The following PRLR variants were observed in gnomAD, a reference collection of about 807,000 sequenced individuals.
PRLR encodes hPRL receptor.
In PRLR, 13 loss-of-function variants were observed where a neutral mutation model predicts 40.2. That is an observed-to-expected ratio of 0.32 (90% CI 0.21 to 0.51). The LOEUF (loss-of-function observed/expected upper bound fraction) is 0.51. Among genes scored for constraint, PRLR ranks in the 20% least tolerant of loss-of-function variants. PRLR has a pLI of 0.97. For missense variants in PRLR, 656 were observed against 747.3 expected (o/e 0.88, Z 1.42); for synonymous variants, 269 against 278.7 (o/e 0.97, Z 0.35).
At chr5:35,087,615 C>A (rs1770940883) in intron 3 of PRLR, among the ~76,000 whole-genome samples, 2 of 151,958 alleles carry the variant, frequency 1.3e-5, no homozygotes, top group Non-Finnish European at 2.9e-5. Flanking sequence ...TCTCCTGGTT[C>A]TGAGCAACCA....
At chr5:35,104,482 C>CGTG (rs144499469) in intron 2 of PRLR, among the ~76,000 whole-genome samples, 1,795 of 152,132 alleles carry the variant, frequency 0.012, 41 homozygotes, top group African/African-American at 0.041. Context: ...CAAGGGAAGC[C>CGTG]GTGACAGACA....
At chr5:35,172,322 T>C (rs1388810015) in intron 1 of PRLR, among the ~76,000 whole-genome samples, 2 of 152,136 alleles carry the variant, frequency 1.3e-5, no homozygotes, top group African/African-American at 4.8e-5. Context: ...AGGGGCTCTC[T>C]TGCCTTCTGA....
intron 1 of PRLR, among the ~76,000 whole-genome samples, chr5:35,124,172 A>C (rs1773382069): frequency 6.6e-6 from 1 of 152,244 alleles, no homozygotes; most frequent in African/African-American, 2.4e-5. Context: ...AAATTACATT[A>C]AGGCAAATTT....
In PRLR at chr5:35,068,152, G is replaced by A. The variant is rs10064946; in HGVS notation, c.855+64C>T. ...CTGAACTGACGGGGACTGTGTGTGA[G>A]TGTGTAGAGTTAATTACTACAGAGC... On this transcript the variant is annotated intron_variant, in intron 9 of 9. Coordinates refer to ENST00000618457, the MANE Select transcript of PRLR (RefSeq NM_000949.7). 722 of 1,396,608 alleles carry A rather than the reference G, an allele frequency of 5.2e-4. 3 individuals are homozygous for A. The African/African-American group carries it at 9.4e-3, about 18-fold the overall frequency. 86.5% of individuals were successfully genotyped at this position (1,396,608 alleles called of 1,614,324 possible). A position where few individuals can be genotyped will look rare whatever the true frequency, so the allele number is the denominator to read the frequency against.
At chr5:35,052,081 A>G (rs1768514542), downstream of PRLR, among the ~76,000 whole-genome samples, 1 of 152,226 alleles carries the variant, frequency 6.6e-6, no homozygotes, top group Non-Finnish European at 1.5e-5. Flanking sequence ...ATTATAATAA[A>G]TAGAAACTTA....
chr5:35,090,405 G>T (rs552426300), intron 2 of PRLR, among the ~76,000 whole-genome samples: 1 of 152,162 alleles, frequency 6.6e-6, no homozygotes, highest in East Asian at 1.9e-4. Flanking sequence ...TTGGAACAAC[G>T]TTCAAAGCCT....
chr5:35,178,895 G>A (rs1182575700), intron 1 of PRLR, among the ~76,000 whole-genome samples: 1 of 152,158 alleles, frequency 6.6e-6, no homozygotes, highest in African/African-American at 2.4e-5. Context: ...GAAGTTTTGA[G>A]ATAGGATTTC....
In PRLR at chr5:35,191,132, G is replaced by A. The variant is rs1353343648; in HGVS notation, c.-106+39136C>T. ...GTCGCCCAGGCTGGAGTGCAGTGGC[G>A]CAATCTCGGCTCACTGCAAGCTCCG... On this transcript the variant is annotated intron_variant, in intron 1 of 9. Transcript: ENST00000618457. Among the ~76,000 whole-genome samples, 2 of 112,030 alleles carry A rather than the reference G, an allele frequency of 1.8e-5. 1 individual carries two copies. The highest frequency in any genetic ancestry group is 7.0e-5 in the African/African-American group (2 of 28,466). The allele number at this position is 112,030 out of a possible 152,430, so 73.5% of individuals were successfully genotyped here.
At chr5:35,125,226 C>T (rs1773419784) in intron 1 of PRLR, among the ~76,000 whole-genome samples, 3 of 152,134 alleles carry the variant, frequency 2.0e-5, no homozygotes, top group Non-Finnish European at 4.4e-5. Flanking sequence ...TAACTTTGGC[C>T]TGAATGTGAG....
At chr5:35,224,004 T>C (rs1776487388) in intron 1 of PRLR, among the ~76,000 whole-genome samples, 1 of 152,210 alleles carries the variant, frequency 6.6e-6, no homozygotes, top group Admixed American at 6.5e-5. Context: ...GAACTCCAGA[T>C]GGCCTGGGAT....
intron 1 of PRLR, among the ~76,000 whole-genome samples, chr5:35,174,928 G>A (rs1359226567): frequency 6.6e-6 from 1 of 152,182 alleles, no homozygotes; most frequent in South Asian, 2.1e-4. Context: ...AGGCAAGAAT[G>A]GGTCTGACTT....
At chr5:35,180,406 C>A (rs553086780) in intron 1 of PRLR, among the ~76,000 whole-genome samples, 1 of 152,192 alleles carries the variant, frequency 6.6e-6, no homozygotes, top group East Asian at 1.9e-4. Context: ...AAGTGTGTGG[C>A]ACCTTGTTCT....
At chr5:35,197,508 T>C (rs1304779949) in intron 1 of PRLR, among the ~76,000 whole-genome samples, 1 of 152,200 alleles carries the variant, frequency 6.6e-6, no homozygotes, top group Non-Finnish European at 1.5e-5. Flanking sequence ...CAGCCAGATG[T>C]CATTCTTGCT....
At position 35,062,530 on chromosome 5, in the gene PRLR, A is replaced by C. The variant is rs1769104242; in HGVS notation, c.*2559T>G. On this transcript the variant is annotated 3_prime_UTR_variant, in exon 10 of 10. Coordinates refer to ENST00000618457, the MANE Select transcript of PRLR (RefSeq NM_000949.7). ...AAAGTCTTGGCCTAATGAGTGGCTAATTGTTTTTTAGGGATTTAATTCAAG... is the reference window on the plus strand; with the variant it reads ...AAAGTCTTGGCCTAATGAGTGGCTACTTGTTTTTTAGGGATTTAATTCAAG... The C allele has an allele frequency of 1.5e-5, 2 of 132,380 alleles. No individual in the cohort carries two copies. Among genetic ancestry groups the C allele is most frequent in the Admixed American group, 7.0e-5 (1 of 14,302 alleles). The allele number at this position is 132,380 out of a possible 1,614,324, so 8.2% of individuals were successfully genotyped here.
At chr5:35,050,059 T>A (rs1015846923) in intron 8 of PRLR, among the ~76,000 whole-genome samples, 2 of 151,976 alleles carry the variant, frequency 1.3e-5, no homozygotes, top group Non-Finnish European at 2.9e-5. Flanking sequence ...AGCTACTCCA[T>A]GCCCAGCTAA....
intron 1 of PRLR, among the ~76,000 whole-genome samples, chr5:35,146,698 G>C (rs1774190413): frequency 6.6e-6 from 1 of 152,206 alleles, no homozygotes; most frequent in Non-Finnish European, 1.5e-5. Flanking sequence ...AGAATGTCTA[G>C]ACTTAGAGTG....
At chr5:35,070,618 C>A (rs1281576075) in intron 6 of PRLR, among the ~76,000 whole-genome samples, 5 of 151,574 alleles carry the variant, frequency 3.3e-5, no homozygotes, top group Non-Finnish European at 7.4e-5. Context: ...CCGAAGCAGG[C>A]GTATCACCTG....
At chr5:35,218,475 T>C (rs1776339513) in intron 1 of PRLR, among the ~76,000 whole-genome samples, 1 of 152,226 alleles carries the variant, frequency 6.6e-6, no homozygotes, top group Non-Finnish European at 1.5e-5. Context: ...CATTGCTGAA[T>C]AGTTCACTTA....
intron 5 of PRLR, among the ~76,000 whole-genome samples, chr5:35,073,807 G>T (rs543396955): frequency 6.6e-6 from 1 of 152,334 alleles, no homozygotes; most frequent in South Asian, 2.1e-4. Flanking sequence ...AAGGTCATTA[G>T]CCTTCTGGGG....
Sources: gnomAD v4.1 joint callset for allele counts (sites outside exome capture counted in the v4.1 genomes callset) on GRCh38, gnomAD v4.1.1 for gene constraint, MANE v1.5 for transcripts, NCBI Gene and HGNC (gene_info 2026-07-23, HGNC 2026-07-21) for gene names.